Variants in PSMD2 observed in about 807,000 individuals in gnomAD.
The protein encoded by PSMD2 is 26S proteasome non-ATPase regulatory subunit 2.
Under a neutral mutation model 101.5 loss-of-function variants are expected in PSMD2, and 8 were observed. That is an observed-to-expected ratio of 0.08 (90% CI 0.05 to 0.14). The LOEUF (loss-of-function observed/expected upper bound fraction) is 0.14, where lower values mean the gene tolerates loss of function less well. PSMD2 is among the 10% of genes least tolerant of loss of function. The probability of loss-of-function intolerance (pLI) is 1.00; values close to 1 mark genes in which losing one functional copy is unlikely to be tolerated. For synonymous variants in PSMD2, 418 were observed against 433.8 expected, an observed-to-expected ratio of 0.96 and a Z score of 0.45; for missense variants, 784 against 1,147.4, an observed-to-expected ratio of 0.68 and a Z score of 4.58.
rs529253751 is a variant in PSMD2, at chr3:184,307,838, G to A, written c.2299-52G>A. ...AGATTTCTGTTTGGCTGGGTTAGGC[G>A]ATGTCTCCTCAGTGGTAACTCCTCA... On this transcript the variant is annotated intron_variant, in intron 18 of 20. Coordinates refer to ENST00000310118, the MANE Select transcript of PSMD2 (RefSeq NM_002808.5). The A allele has an allele frequency of 1.3e-5, 21 of 1,612,412 alleles. No individual in the cohort carries two copies. In the East Asian group the frequency reaches 1.6e-4, roughly 12 times the overall value.
Position 184,308,287 on chromosome 3 carries a change from G to T in PSMD2, c.2426-162G>T, listed in dbSNP as rs981935896. On this transcript the variant is annotated intron_variant, in intron 19 of 20. Coordinates refer to ENST00000310118, the MANE Select transcript of PSMD2 (RefSeq NM_002808.5). The surrounding 1 kb of genome is among the most constrained non-coding windows in gnomAD (Gnocchi z 6.0). Reference sequence around the variant, plus strand: ...GTCTAAGGGCTGTAAGCAAAGTGAGGTGGGGGCGTCTCTGGTTCGTAGTAG... The same window carrying T: ...GTCTAAGGGCTGTAAGCAAAGTGAGTTGGGGGCGTCTCTGGTTCGTAGTAG... Among the ~76,000 whole-genome samples the T allele has an allele frequency of 1.3e-5, 2 of 152,220 alleles. No homozygotes were observed. The highest frequency in any genetic ancestry group is 4.8e-5 in the African/African-American group (2 of 41,460).
chr3:184,299,277 G>A lies in PSMD2; in HGVS notation c.11G>A (p.Gly4Glu). ...GCAGTGGCGGCGGAGATGGAGGAGG[G>A]AGGCCGGGACAAGGCGCCGGTGCAG... MEEGGRDKAPVQPQ... is the reference protein window; with the variant it reads MEEEGRDKAPVQPQ... The change falls in exon 1 of 21, where the codon GGA becomes GAA. Residue 4 changes from glycine (G) to glutamate (E), a missense_variant. Gly to Glu is a moderately conservative substitution (Grantham distance 98, BLOSUM62 -2). Around this residue, in one of 6 missense-constraint regions of PSMD2, gnomAD observed 196 missense variants for 182.4 expected, o/e 1.07. Transcript: ENST00000310118. 7.4e-7 allele frequency: 1 copy of A among 1,356,812 alleles called. No homozygotes were observed. The highest frequency in any genetic ancestry group is 9.5e-7 in the Non-Finnish European group (1 of 1,055,204). The allele number at this position is 1,356,812 out of a possible 1,614,324, so 84.0% of individuals were successfully genotyped here.
chr3:184,302,629 C>G (rs748870772), intron 6 of PSMD2, 50 bp from the exon 7 acceptor site: 2 of 1,613,058 alleles, frequency 1.2e-6, no homozygotes, highest in South Asian at 2.2e-5. Context: ...AGGGGTTTTC[C>G]TGTGCCCTTA....
intron 1 of PSMD2, 88 bp downstream of exon 1, chr3:184,299,489 C>G: frequency 7.7e-7 from 1 of 1,305,742 alleles, no homozygotes; most frequent in Non-Finnish European, 9.7e-7. Context: ...ACCCAACTAC[C>G]CCACCGCGCC....
chr3:184,299,502 G>A, intron 1 of PSMD2, 101 bp downstream of exon 1: 1 of 1,302,172 alleles, frequency 7.7e-7, no homozygotes, highest in East Asian at 3.0e-5. Flanking sequence ...ACCGCGCCAG[G>A]GAGAGGGCGG....
intron 3 of PSMD2, chr3:184,300,646 A>G (rs1166381391): frequency 4.4e-6 from 6 of 1,366,652 alleles, no homozygotes; most frequent in African/African-American, 2.9e-5. Flanking sequence ...TGTCATGTGT[A>G]TTGGACTTTG....
chr3:184,308,080 C>A lies in PSMD2; in HGVS notation c.2425+64C>A. 1 of 1,590,184 alleles carries A rather than the reference C, an allele frequency of 6.3e-7. No individual in the cohort carries two copies. The highest frequency in any genetic ancestry group is 8.6e-7 in the Non-Finnish European group (1 of 1,168,890). ...GGCTCTGACTCCACCCTTTCCAGGG[C>A]CACTTTGATAATTTAGGTTCAAGAC... On this transcript the variant is annotated intron_variant, in intron 19 of 20. Coordinates refer to ENST00000310118, the MANE Select transcript of PSMD2 (RefSeq NM_002808.5). The surrounding 1 kb of genome is among the most constrained non-coding windows in gnomAD (Gnocchi z 6.0).
In PSMD2 at chr3:184,306,413, A is replaced by G. The variant is rs138025479; in HGVS notation, c.1868A>G (p.Lys623Arg). ...LHICSEHFDS[K>R]EKEEDKDKKE... ...ATTTGTAGCGAACACTTTGACTCCAAAGAGAAGGAGGAAGACAAAGACAAG... is the reference window on the plus strand; with the variant it reads ...ATTTGTAGCGAACACTTTGACTCCAGAGAGAAGGAGGAAGACAAAGACAAG... Residue 623 changes from lysine to arginine, a missense_variant, in exon 15 of 21, where the codon AAA becomes AGA. Lys to Arg is a conservative substitution (Grantham distance 26, BLOSUM62 2). Transcript: ENST00000310118. 1.5e-3 allele frequency: 2,454 copies of G among 1,614,194 alleles called. 2 individuals are homozygous for G. The highest frequency in any genetic ancestry group is 1.9e-3 in the Non-Finnish European group (2,207 of 1,180,034).
At chr3:184,305,971 C>G in intron 13 of PSMD2, 41 bp downstream of exon 13, 1 of 1,613,538 alleles carries the variant, frequency 6.2e-7, no homozygotes, top group Non-Finnish European at 8.5e-7. Flanking sequence ...CTGACAGTAA[C>G]TGGATACAAC....
chr3:184,299,253 C>G lies in PSMD2; in HGVS notation c.-14C>G. 1 of 1,327,846 alleles carries G rather than the reference C, an allele frequency of 7.5e-7. No individual in the cohort carries two copies. The highest frequency in any genetic ancestry group is 9.6e-7 in the Non-Finnish European group (1 of 1,040,674). The allele number at this position is 1,327,846 out of a possible 1,614,324, so 82.3% of individuals were successfully genotyped here. On this transcript the variant is annotated 5_prime_UTR_variant, in exon 1 of 21. Transcript: ENST00000310118. ...AGCGGGTGCGCGCGCAGCGGGCCGG[C>G]AGTGGCGGCGGAGATGGAGGAGGGA...
At chr3:184,306,692 A>G in intron 15 of PSMD2, 59 bp from the exon 16 acceptor site, 2 of 1,575,044 alleles carry the variant, frequency 1.3e-6, no homozygotes, top group Non-Finnish European at 1.7e-6. Context: ...GACTTGAGTC[A>G]AGGGTGACTG....
intron 8 of PSMD2, 114 bp from the exon 9 acceptor site, chr3:184,303,206 G>C: frequency 6.7e-7 from 1 of 1,502,838 alleles, no homozygotes; most frequent in Non-Finnish European, 9.2e-7. Context: ...GGGGGGTATA[G>C]GTAGAGGATA....
At position 184,306,171 on chromosome 3, in the gene PSMD2, A is replaced by T. The variant is rs774304029; in HGVS notation, c.1804+16A>T. 5.6e-6 allele frequency: 9 copies of T among 1,613,618 alleles called. No individual in the cohort carries two copies. The highest frequency in any genetic ancestry group is 6.8e-6 in the Non-Finnish European group (8 of 1,179,578). ...GCATATGCAGGTCTGTGTCTTTATG[A>T]GTCTGTCTTGTGCTTCCCCAGTGAC... On this transcript the variant is annotated intron_variant, in intron 14 of 20. Coordinates refer to ENST00000310118, the MANE Select transcript of PSMD2 (RefSeq NM_002808.5).
At chr3:184,300,858 G>T in intron 3 of PSMD2, among the ~76,000 whole-genome samples, 1 of 152,072 alleles carries the variant, frequency 6.6e-6, no homozygotes. Context: ...TGTTGCTTTT[G>T]TGCTTTGTTC....
intron 3 of PSMD2, 32 bp downstream of exon 3, chr3:184,300,476 G>A (rs771757331): frequency 6.2e-7 from 1 of 1,602,648 alleles, no homozygotes; most frequent in Non-Finnish European, 8.5e-7. Context: ...TGGAGGCCTA[G>A]TTTAGGAATT....
Position 184,303,070 on chromosome 3 carries a change from G to C in PSMD2, c.1069+8G>C, listed in dbSNP as rs1411753194. On this transcript the variant is annotated splice_region_variant and intron_variant, in intron 8 of 20. Coordinates refer to ENST00000310118, the MANE Select transcript of PSMD2 (RefSeq NM_002808.5). ...CCCACCTAGAGAACAACAGTGAGTA[G>C]CCCTCTCTGTGTATGGGATTTGGGG... The C allele has an allele frequency of 1.2e-6, 2 of 1,612,208 alleles. No individual in the cohort carries two copies. Among genetic ancestry groups the C allele is most frequent in the Admixed American group, 1.7e-5 (1 of 59,990 alleles).
intron 16 of PSMD2, 32 bp downstream of exon 16, chr3:184,306,866 C>G (rs1721849439): frequency 6.3e-7 from 1 of 1,581,140 alleles, no homozygotes; most frequent in African/African-American, 1.4e-5. Context: ...TTGGAATATA[C>G]TGGTTTTGAT....
chr3:184,308,639 C>T lies in PSMD2; in HGVS notation c.2545-69C>T, dbSNP rs902770420. The stretch of plus-strand genomic sequence containing the variant: ...GGAGAATGTACATATACTTGCTTTG[C>T]TGAAACTGGCGTGGGCGGTGGCTTG... On this transcript the variant is annotated intron_variant, in intron 20 of 20. Coordinates refer to ENST00000310118, the MANE Select transcript of PSMD2 (RefSeq NM_002808.5). The surrounding 1 kb of genome is among the most constrained non-coding windows in gnomAD (Gnocchi z 6.0). 4.4e-5 allele frequency: 69 copies of T among 1,585,546 alleles called. No homozygotes were observed. Among genetic ancestry groups the T allele is most frequent in the Non-Finnish European group, 5.4e-5 (63 of 1,156,662 alleles).
chr3:184,300,266 C>G lies in PSMD2; in HGVS notation c.193-14C>G. Reference sequence around the variant, plus strand: ...TGACTCCTTTTTGTCTGAGCCCTGTCGTCTCTTGATCAGGAGAAGGATACA... The same window carrying G: ...TGACTCCTTTTTGTCTGAGCCCTGTGGTCTCTTGATCAGGAGAAGGATACA... On this transcript the variant is annotated splice_polypyrimidine_tract_variant and intron_variant, in intron 2 of 20. Coordinates refer to ENST00000310118, the MANE Select transcript of PSMD2 (RefSeq NM_002808.5). 2 of 1,607,086 alleles carry G rather than the reference C, an allele frequency of 1.2e-6. No homozygotes were observed. Among genetic ancestry groups the G allele is most frequent in the Admixed American group, 1.7e-5 (1 of 58,708 alleles).
Sources: allele counts gnomAD v4.1 joint callset (sites outside exome capture counted in the v4.1 genomes callset), GRCh38; gene constraint gnomAD v4.1.1; regional missense constraint gnomAD v4.1.1; non-coding constraint Gnocchi (gnomAD v3.1); transcripts MANE v1.5; gene names NCBI Gene and HGNC (gene_info 2026-07-23, HGNC 2026-07-21).